Variants in IL16 observed in about 807,000 individuals in gnomAD.
The protein encoded by IL16 is pro-interleukin-16.
IL16 carries 67 observed loss-of-function variants against 110.1 expected under a neutral mutation model. That is an observed-to-expected ratio of 0.61 (90% CI 0.50 to 0.75). IL16 has a LOEUF of 0.75. IL16 is among the 30% of genes least tolerant of loss of function. The pLI, the probability that IL16 is intolerant of heterozygous loss-of-function variation, is 0.00. For synonymous variants in IL16, 689 were observed against 662.9 expected (o/e 1.04, Z -0.61); for missense variants, 1,545 against 1,655.0 (o/e 0.93, Z 1.15).
chr15:81,236,337 T>A (rs1050176209), intron 2 of IL16, among the ~76,000 whole-genome samples: 9 of 152,148 alleles, frequency 5.9e-5, no homozygotes, highest in African/African-American at 2.2e-4. Context: ...GAGCGACTTA[T>A]GGATGCTGAG....
intron 15 of IL16, among the ~76,000 whole-genome samples, chr15:81,301,811 T>A (rs1036208909): frequency 6.6e-6 from 1 of 152,230 alleles, no homozygotes; most frequent in Non-Finnish European, 1.5e-5. Flanking sequence ...TGTCTCCAAG[T>A]TCAAGTTCAG....
rs1329641474 is a variant in IL16, at chr15:81,308,800, C to A, written c.*2C>A. The stretch of plus-strand genomic sequence containing the variant: ...ACCACAGCTGCTGGAGACTCCTAGG[C>A]AGGACATGCTGAAGCCAAAGCCAAT... On this transcript the variant is annotated 3_prime_UTR_variant, in exon 19 of 19. Transcript: ENST00000683961. 6.2e-7 allele frequency: 1 copy of A among 1,608,674 alleles called. No individual in the cohort carries two copies. Among genetic ancestry groups the A allele is most frequent in the Non-Finnish European group, 8.5e-7 (1 of 1,178,116 alleles).
rs1899037144 is a variant in IL16 at position 81,278,896 on chromosome 15, C to A, written c.864+6C>A. On this transcript the variant is annotated splice_donor_region_variant and intron_variant, in intron 7 of 18. Coordinates refer to ENST00000683961, the MANE Select transcript of IL16 (RefSeq NM_172217.5). ...ATGCTTTGCAGAAGTTCAAGGTGACCATTTCTTATCAACACGTGACCAAAC... is the reference window on the plus strand; with the variant it reads ...ATGCTTTGCAGAAGTTCAAGGTGACAATTTCTTATCAACACGTGACCAAAC... 6.2e-7 allele frequency: 1 copy of A among 1,600,990 alleles called. No individual in the cohort carries two copies. Among genetic ancestry groups the A allele is most frequent in the East Asian group, 2.2e-5 (1 of 44,812 alleles).
At chr15:81,250,468 C>A (rs1023767732) in intron 2 of IL16, among the ~76,000 whole-genome samples, 25 of 152,216 alleles carry the variant, frequency 1.6e-4, no homozygotes, top group African/African-American at 6.0e-4. Context: ...GGAGCCACCA[C>A]ACTTGACCTA....
At position 81,308,770 on chromosome 15, in the gene IL16, A is replaced by G. The variant is rs780158596; in HGVS notation, c.3971A>G (p.Lys1324Arg). The G allele has an allele frequency of 1.4e-5, 23 of 1,613,600 alleles. No homozygotes were observed. The highest frequency in any genetic ancestry group is 1.9e-5 in the Non-Finnish European group (23 of 1,179,920). Residue 1324 changes from lysine to arginine, a missense_variant, in exon 19 of 19, where the codon AAG becomes AGG. By Grantham distance (26) the Lys-to-Arg change is conservative (BLOSUM62 2). This residue lies in a region of IL16 where 356 missense variants were observed against 399.3 expected (regional missense o/e 0.89). Coordinates refer to ENST00000683961, the MANE Select transcript of IL16 (RefSeq NM_172217.5). ...ATCAGGAGAAAAAGCCTCCAGTCCA[A>G]GGAAACCACAGCTGCTGGAGACTCC... Reference protein sequence around the residue: ...IVIRRKSLQSKETTAAGDS With the variant: ...IVIRRKSLQSRETTAAGDS
At chr15:81,292,115 G>C (rs562087936) in intron 11 of IL16, 1 of 380,714 alleles carries the variant, frequency 2.6e-6, no homozygotes, top group South Asian at 1.9e-5. Flanking sequence ...GTCCCCATTA[G>C]AGTTGTCCTA....
chr15:81,292,587 G>T lies in IL16; in HGVS notation c.1452G>T (p.Gly484=), dbSNP rs778239472. Residue 484 remains glycine, a synonymous_variant, in exon 12 of 19, where the codon GGG becomes GGT. Transcript: ENST00000683961. The part of the protein sequence containing the change: ...GVKRLESSWH[G]RPTLEKEREK... Reference sequence around the variant, plus strand: ...AAAGGCTGGAAAGCAGTTGGCACGGGCGGCCCACCTTGGAGAAGGAACGAG... The same window carrying T: ...AAAGGCTGGAAAGCAGTTGGCACGGTCGGCCCACCTTGGAGAAGGAACGAG... 6.2e-7 allele frequency: 1 copy of T among 1,605,782 alleles called. No individual in the cohort carries two copies. The highest frequency in any genetic ancestry group is 2.2e-5 in the East Asian group (1 of 44,622).
In IL16 at chr15:81,225,594, C is replaced by G. The variant is rs1896761324; in HGVS notation, c.195C>G (p.Asp65Glu). The change falls in exon 2 of 19, where the codon GAC becomes GAG. Residue 65 changes from aspartate (D) to glutamate (E), a missense_variant. By Grantham distance (45) the Asp-to-Glu change is conservative. Coordinates refer to ENST00000683961, the MANE Select transcript of IL16 (RefSeq NM_172217.5). ...GIFHSSVQLA[D>E]TSEAGPSSVP... ...TCCACTCATCTGTGCAGCTGGCAGA[C>G]ACATCGGAGGCTGGGCCCAGCAGTG... 3 of 1,613,990 alleles carry G rather than the reference C, an allele frequency of 1.9e-6. No individual in the cohort carries two copies. In the African/African-American group the frequency reaches 4.0e-5, roughly 22 times the overall value.
chr15:81,269,556 C>G lies in IL16; in HGVS notation c.583C>G (p.Arg195Gly). The change falls in exon 5 of 19, where the codon CGG becomes GGG. Residue 195 changes from arginine (R) to glycine (G), a missense_variant. By Grantham distance (125) the Arg-to-Gly change is moderately radical (BLOSUM62 -2). This residue lies in a region of IL16 where 1,185 missense variants were observed against 1,238.8 expected (regional missense o/e 0.96). Transcript: ENST00000683961. ...GKAAGTSRPT[R>G]SLSTAQLVQP... ...GTTGCAGGGAACTTCGAGACCAACACGGTCCCTGAGCACAGCTCAGCTCGT... is the reference window on the plus strand; with the variant it reads ...GTTGCAGGGAACTTCGAGACCAACAGGGTCCCTGAGCACAGCTCAGCTCGT... The G allele has an allele frequency of 6.2e-7, 1 of 1,613,790 alleles. No homozygotes were observed. Among genetic ancestry groups the G allele is most frequent in the African/African-American group, 1.3e-5 (1 of 75,060 alleles).
chr15:81,275,280 G>A (rs1898849425), intron 6 of IL16, among the ~76,000 whole-genome samples: 1 of 149,012 alleles, frequency 6.7e-6, no homozygotes, highest in African/African-American at 2.5e-5. Flanking sequence ...CGTTCAGGGA[G>A]TTAGAAGTGA....
At chr15:81,202,492 C>T (rs1488702050) in intron 1 of IL16, among the ~76,000 whole-genome samples, 5 of 145,658 alleles carry the variant, frequency 3.4e-5, no homozygotes, top group African/African-American at 1.3e-4. Context: ...ACACCCACAA[C>T]AGTCCCCAGT....
intron 1 of IL16, among the ~76,000 whole-genome samples, chr15:81,184,194 G>C (rs900319591): frequency 5.3e-5 from 8 of 152,212 alleles, no homozygotes; most frequent in African/African-American, 1.9e-4. Context: ...TTTACTAGGT[G>C]CTCCGTGTTT....
intron 18 of IL16, 131 bp from the exon 19 acceptor site, chr15:81,308,474 C>A: frequency 1.5e-6 from 1 of 648,320 alleles, no homozygotes; most frequent in Non-Finnish European, 2.7e-6. Context: ...GAACCACCAA[C>A]AAGCAAGCTC....
upstream of IL16, among the ~76,000 whole-genome samples, chr15:81,193,217 A>G (rs1378897130): frequency 6.6e-6 from 1 of 152,128 alleles, no homozygotes; most frequent in Non-Finnish European, 1.5e-5. Context: ...GATGGATGCT[A>G]GTGACAATTA....
intron 12 of IL16, among the ~76,000 whole-genome samples, chr15:81,296,336 G>A (rs1899981857): frequency 6.6e-6 from 1 of 152,328 alleles, no homozygotes; most frequent in East Asian, 1.9e-4. Flanking sequence ...CTGCATCCAG[G>A]CTCAGTGGTG....
intron 2 of IL16, among the ~76,000 whole-genome samples, chr15:81,233,359 T>C (rs1897073483): frequency 1.3e-5 from 2 of 151,954 alleles, no homozygotes; most frequent in Non-Finnish European, 2.9e-5. Context: ...TTACTTACAT[T>C]GATGTGCGTG....
chr15:81,267,937 G>A (rs1210520999), intron 4 of IL16, among the ~76,000 whole-genome samples: 1 of 152,166 alleles, frequency 6.6e-6, no homozygotes, highest in Non-Finnish European at 1.5e-5. Context: ...GACACACACA[G>A]AATAATGGTT....
At chr15:81,216,399 G>A (rs78143006) in intron 1 of IL16, among the ~76,000 whole-genome samples, 124 of 152,302 alleles carry the variant, frequency 8.1e-4, no homozygotes, top group African/African-American at 2.5e-3. Context: ...GCCTAATAGC[G>A]TTTGGGTACC....
intron 2 of IL16, among the ~76,000 whole-genome samples, chr15:81,240,362 A>T (rs1327623898): frequency 6.6e-6 from 1 of 152,016 alleles, no homozygotes; most frequent in Non-Finnish European, 1.5e-5. Context: ...AGTTCAGTAG[A>T]GTATAAATCT....
Sources: gnomAD v4.1 joint callset for allele counts (sites outside exome capture counted in the v4.1 genomes callset) on GRCh38, gnomAD v4.1.1 for gene constraint, gnomAD v4.1.1 regional missense constraint, MANE v1.5 for transcripts, NCBI Gene and HGNC (gene_info 2026-07-23, HGNC 2026-07-21) for gene names.